RPS6KC1: variants seen among roughly 807,000 people sequenced by gnomAD.
The protein encoded by RPS6KC1 is inactive ribosomal protein S6 kinase delta-1.
In RPS6KC1, 54 loss-of-function variants were observed where a neutral mutation model predicts 103.8. The observed-to-expected ratio is 0.52, with a 90% CI of 0.42 to 0.65. The LOEUF is 0.65. Ranked by LOEUF, RPS6KC1 falls within the 30% of genes least tolerant of loss-of-function variation. The pLI is 0.00. For synonymous variants in RPS6KC1, 439 were observed against 438.7 expected, an observed-to-expected ratio of 1.00 and a Z score of -0.01; for missense variants, 1,151 against 1,253.8, an observed-to-expected ratio of 0.92 and a Z score of 1.24.
Position 213,051,501 on chromosome 1 carries a change from A to G in RPS6KC1, c.97A>G (p.Thr33Ala). Residue 33 changes from threonine to alanine, a missense_variant, in exon 1 of 15, where the codon ACC (threonine) becomes GCC (alanine). By Grantham distance (58) the Thr-to-Ala change is moderately conservative. Transcript: ENST00000366960. ...GAGGGGCTACACAGTATATAAGGTC[A>G]CCGCCCGGGTGAGTGCCGGTGTCGG... is the stretch of plus-strand genomic sequence containing the variant. Reference protein sequence around the residue: ...HPRGYTVYKVTARVVSRRNPE... With the variant: ...HPRGYTVYKVAARVVSRRNPE... 6.2e-7 allele frequency: 1 copy of G among 1,609,342 alleles called. No homozygotes were observed. The highest frequency in any genetic ancestry group is 1.1e-5 in the South Asian group (1 of 90,396).
chr1:213,644,915 A>T, the RPS6KC1 span, among the ~76,000 whole-genome samples: 1 of 152,134 alleles, frequency 6.6e-6, no homozygotes, highest in Non-Finnish European at 1.5e-5. Flanking sequence ...CTTCAGTGTA[A>T]TTTTAATTTG....
chr1:213,062,268 A>G (rs1334032567), intron 1 of RPS6KC1, among the ~76,000 whole-genome samples: 3 of 152,214 alleles, frequency 2.0e-5, no homozygotes, highest in African/African-American at 4.8e-5. Flanking sequence ...AAAATACTGT[A>G]TAAAATTACT....
chr1:213,176,778 A>G (rs1009028035), intron 8 of RPS6KC1: 1 of 206,232 alleles, frequency 4.8e-6, no homozygotes, highest in Non-Finnish European at 9.9e-6. Flanking sequence ...GTAAAGATGT[A>G]TTGTGTTAAT....
At chr1:213,423,827 C>A in the RPS6KC1 span, among the ~76,000 whole-genome samples, 29 of 152,112 alleles carry the variant, frequency 1.9e-4, no homozygotes, top group Admixed American at 3.3e-4. Context: ...GGCATGGGCT[C>A]GGTGAATAGC....
the RPS6KC1 span, among the ~76,000 whole-genome samples, chr1:213,495,841 GTCTTAT>G: frequency 6.6e-6 from 1 of 152,086 alleles, no homozygotes; most frequent in African/African-American, 2.4e-5. Context: ...GAATACAAAT[GTCTTAT>G]TCTTAAAAGA....
downstream of RPS6KC1, among the ~76,000 whole-genome samples, chr1:213,278,535 T>C (rs149886210): frequency 6.6e-6 from 1 of 152,348 alleles, no homozygotes; most frequent in African/African-American, 2.4e-5. Context: ...AAAAGGATTC[T>C]AAATGACTAA....
At chr1:213,153,467 T>G (rs1030241694) in intron 6 of RPS6KC1, among the ~76,000 whole-genome samples, 5 of 152,188 alleles carry the variant, frequency 3.3e-5, no homozygotes, top group Non-Finnish European at 7.3e-5. Flanking sequence ...GGAAGAATAA[T>G]AAAAACTCTA....
the RPS6KC1 span, among the ~76,000 whole-genome samples, chr1:213,566,219 A>G: frequency 6.6e-6 from 1 of 152,006 alleles, no homozygotes; most frequent in Non-Finnish European, 1.5e-5. Flanking sequence ...TGTGTTTGAA[A>G]ATGTTAAAAT....
chr1:213,606,639 G>T, the RPS6KC1 span, among the ~76,000 whole-genome samples: 1 of 152,182 alleles, frequency 6.6e-6, no homozygotes, highest in Admixed American at 6.5e-5. Context: ...TCAAGGCAAC[G>T]AGCCAAGCTG....
At chr1:213,417,556 G>A in the RPS6KC1 span, among the ~76,000 whole-genome samples, 806 of 152,246 alleles carry the variant, frequency 5.3e-3, 26 homozygotes, top group Admixed American at 0.049. Context: ...GTGGGGGCTC[G>A]GGGTGCGGCT....
the RPS6KC1 span, among the ~76,000 whole-genome samples, chr1:213,758,252 A>G: frequency 3.4e-3 from 524 of 152,324 alleles, no homozygotes; most frequent in Admixed American, 7.0e-3. Context: ...AATCCTCTGG[A>G]AAGAATTTAT....
At chr1:213,307,156 G>A in the RPS6KC1 span, among the ~76,000 whole-genome samples, 3 of 148,958 alleles carry the variant, frequency 2.0e-5, no homozygotes, top group African/African-American at 7.5e-5. Context: ...TCTGCCTCAC[G>A]GGTTCACGCC....
At chr1:213,370,643 G>A in the RPS6KC1 span, among the ~76,000 whole-genome samples, 1 of 152,192 alleles carries the variant, frequency 6.6e-6, no homozygotes, top group Non-Finnish European at 1.5e-5. Flanking sequence ...AGGAAACAAG[G>A]GAAGTGTTAT....
At chr1:213,540,124 T>C in the RPS6KC1 span, among the ~76,000 whole-genome samples, 1 of 152,084 alleles carries the variant, frequency 6.6e-6, no homozygotes, top group Non-Finnish European at 1.5e-5. Flanking sequence ...TCTTCCTTTT[T>C]TTTGTGAGAT....
rs181803007 is a variant in RPS6KC1 at position 213,182,734 on chromosome 1, A to G, written c.1044+6242A>G. Among the ~76,000 whole-genome samples, 50 of 149,752 alleles carry G rather than the reference A, an allele frequency of 3.3e-4. No homozygotes were observed. In the East Asian group the frequency reaches 8.4e-3, roughly 25 times the overall value. ...CTCACTTCAAACATAATATAATGAGATATATATATGATATATATACATATA... is the reference window on the plus strand; with the variant it reads ...CTCACTTCAAACATAATATAATGAGGTATATATATGATATATATACATATA... On this transcript the variant is annotated intron_variant, in intron 8 of 14. Transcript: ENST00000366960.
At chr1:213,780,304 G>T in the RPS6KC1 span, among the ~76,000 whole-genome samples, 1 of 152,110 alleles carries the variant, frequency 6.6e-6, no homozygotes, top group Non-Finnish European at 1.5e-5. Flanking sequence ...AATTATGCTG[G>T]GGCAAAAAGC....
At chr1:213,626,252 C>T in the RPS6KC1 span, among the ~76,000 whole-genome samples, 3 of 152,098 alleles carry the variant, frequency 2.0e-5, no homozygotes, top group Non-Finnish European at 2.9e-5. Flanking sequence ...CTCTTCATAT[C>T]CTTTGCCCAC....
intron 11 of RPS6KC1, 130 bp downstream of exon 11, chr1:213,242,427 C>A: frequency 2.6e-6 from 3 of 1,163,012 alleles, no homozygotes; most frequent in Non-Finnish European, 3.8e-6. Context: ...GCAAATTCAC[C>A]CCCAGTAATA....
At chr1:213,381,296 C>G in the RPS6KC1 span, among the ~76,000 whole-genome samples, 6 of 152,276 alleles carry the variant, frequency 3.9e-5, no homozygotes, top group South Asian at 1.2e-3. Flanking sequence ...CAGTATTTTT[C>G]TTTCCTCCTC....
Sources: gnomAD v4.1 joint callset for allele counts (sites outside exome capture counted in the v4.1 genomes callset) on GRCh38, gnomAD v4.1.1 for gene constraint, MANE v1.5 for transcripts, NCBI Gene and HGNC (gene_info 2026-07-23, HGNC 2026-07-21) for gene names.